Variants in GTF2IRD1 observed in about 807,000 individuals in gnomAD.
The protein encoded by GTF2IRD1 is GTF2I repeat domain containing 1.
In GTF2IRD1, 26 loss-of-function variants were observed where a neutral mutation model predicts 113.2. That is an observed-to-expected ratio of 0.23 (90% CI 0.17 to 0.32). The LOEUF (loss-of-function observed/expected upper bound fraction) is 0.32. Among genes scored for constraint, GTF2IRD1 ranks in the 10% least tolerant of loss-of-function variants. The pLI, the probability that GTF2IRD1 is intolerant of heterozygous loss-of-function variation, is 1.00. For synonymous variants in GTF2IRD1, 484 were observed against 529.1 expected, an observed-to-expected ratio of 0.91 and a Z score of 1.17; for missense variants, 864 against 1,280.8, an observed-to-expected ratio of 0.67 and a Z score of 4.97.
At chr7:74,590,318 C>T (rs587772994) in intron 23 of GTF2IRD1, among the ~76,000 whole-genome samples, 155 of 151,832 alleles carry the variant, frequency 1.0e-3, no homozygotes, top group African/African-American at 3.5e-3. Flanking sequence ...TGGGTTCAAG[C>T]GATCCTCCTG....
At chr7:74,473,110 A>T (rs1794201385) in intron 1 of GTF2IRD1, among the ~76,000 whole-genome samples, 1 of 152,142 alleles carries the variant, frequency 6.6e-6, no homozygotes, top group Non-Finnish European at 1.5e-5. Context: ...TGCTCTTTGG[A>T]GCTCCTGACA....
intron 1 of GTF2IRD1, among the ~76,000 whole-genome samples, chr7:74,475,915 T>C (rs1794374529): frequency 6.6e-6 from 1 of 152,144 alleles, no homozygotes; most frequent in African/African-American, 2.4e-5. Flanking sequence ...GAGTACACAT[T>C]GGGCCTGCAG....
intron 11 of GTF2IRD1, among the ~76,000 whole-genome samples, chr7:74,536,663 G>A (rs1354126651): frequency 5.9e-5 from 9 of 151,768 alleles, no homozygotes; most frequent in African/African-American, 1.5e-4. Context: ...AAAATTAGCC[G>A]GGTGTGGTGG....
intron 1 of GTF2IRD1, among the ~76,000 whole-genome samples, chr7:74,493,410 C>T (rs1554337232): frequency 6.6e-6 from 1 of 152,070 alleles, no homozygotes; most frequent in African/African-American, 2.4e-5. Context: ...CGCGCCCGGC[C>T]ATGACCTCTT....
intron 1 of GTF2IRD1, among the ~76,000 whole-genome samples, chr7:74,491,175 AGG>A (rs1432569085): frequency 1.3e-5 from 2 of 151,940 alleles, no homozygotes; most frequent in Non-Finnish European, 1.5e-5. Flanking sequence ...GCGTGGTGGC[AGG>A]CACCTGTAAT....
intron 1 of GTF2IRD1, among the ~76,000 whole-genome samples, chr7:74,497,099 C>T (rs1554338291): frequency 6.6e-6 from 1 of 151,910 alleles, no homozygotes; most frequent in Non-Finnish European, 1.5e-5. Context: ...GAATTTGAGG[C>T]TGCAGTGAGC....
At chr7:74,523,210 C>A (rs893744764) in intron 7 of GTF2IRD1, among the ~76,000 whole-genome samples, 1 of 152,020 alleles carries the variant, frequency 6.6e-6, no homozygotes, top group Admixed American at 6.6e-5. Flanking sequence ...CAGAGTGAGA[C>A]CCTGTCTGTA....
chr7:74,563,228 A>T (rs782752980), intron 22 of GTF2IRD1, among the ~76,000 whole-genome samples: 25 of 152,122 alleles, frequency 1.6e-4, no homozygotes, highest in Non-Finnish European at 3.2e-4. Context: ...GGCACCCAGC[A>T]GGGAATTCCC....
intron 10 of GTF2IRD1, 22 bp downstream of exon 10, chr7:74,535,160 C>A: frequency 6.2e-7 from 1 of 1,604,994 alleles, no homozygotes; most frequent in South Asian, 1.1e-5. Flanking sequence ...CCATCTAGTC[C>A]ATTCTGAAGT....
At chr7:74,559,969 G>A (rs1337857777) in intron 22 of GTF2IRD1, among the ~76,000 whole-genome samples, 3 of 152,052 alleles carry the variant, frequency 2.0e-5, no homozygotes, top group Non-Finnish European at 2.9e-5. Flanking sequence ...TGGTAGAGAC[G>A]GGGTTTCACC....
At chr7:74,525,799 A>T (rs1369761064) in intron 8 of GTF2IRD1, among the ~76,000 whole-genome samples, 2 of 151,480 alleles carry the variant, frequency 1.3e-5, no homozygotes, top group African/African-American at 4.8e-5. Context: ...TTTAAAAAGA[A>T]AAAAAAAAGA....
intron 4 of GTF2IRD1, among the ~76,000 whole-genome samples, chr7:74,517,001 T>TTTGTTGTTGTTGTTG (rs374786237): frequency 3.3e-5 from 3 of 90,240 alleles, no homozygotes; most frequent in Admixed American, 1.2e-4. Context: ...CTCTCCTGTC[T>TTTGTTGTTGTTGTTG]TTGTTGTTGT....
At chr7:74,567,286 C>G (rs781809229) in intron 22 of GTF2IRD1, among the ~76,000 whole-genome samples, 1 of 151,634 alleles carries the variant, frequency 6.6e-6, no homozygotes, top group Non-Finnish European at 1.5e-5. Flanking sequence ...TGAGATTGCA[C>G]CACAGCACTC....
At chr7:74,514,263 G>A (rs984133866) in intron 3 of GTF2IRD1, among the ~76,000 whole-genome samples, 6 of 152,038 alleles carry the variant, frequency 3.9e-5, no homozygotes, top group African/African-American at 9.7e-5. Flanking sequence ...ATCCCCCAGC[G>A]CTGGGCCTAG....
intron 22 of GTF2IRD1, among the ~76,000 whole-genome samples, chr7:74,573,822 G>T (rs1800837988): frequency 1.3e-5 from 2 of 152,230 alleles, no homozygotes; most frequent in South Asian, 4.1e-4. Context: ...CATGGAGAGG[G>T]CTCAGCACCA....
chr7:74,496,554 T>TG (rs782680441), intron 1 of GTF2IRD1, among the ~76,000 whole-genome samples: 12 of 113,056 alleles, frequency 1.1e-4, no homozygotes, highest in Admixed American at 2.7e-4. Context: ...TGTGTGCGTT[T>TG]GGGGGGTGTA....
intron 14 of GTF2IRD1, among the ~76,000 whole-genome samples, chr7:74,540,835 C>T (rs781882150): frequency 7.9e-5 from 12 of 152,002 alleles, no homozygotes; most frequent in South Asian, 2.1e-4. Context: ...AGTGCAGTGG[C>T]GCGATCTCAG....
chr7:74,466,733 CAA>C (rs1793738743), intron 1 of GTF2IRD1, among the ~76,000 whole-genome samples: 1 of 152,094 alleles, frequency 6.6e-6, no homozygotes, highest in African/African-American at 2.4e-5. Context: ...GCATCACAAA[CAA>C]GACTATAATT....
At chr7:74,460,547 G>A (rs1350021706) in intron 1 of GTF2IRD1, among the ~76,000 whole-genome samples, 1 of 152,086 alleles carries the variant, frequency 6.6e-6, no homozygotes, top group Non-Finnish European at 1.5e-5. Context: ...TAATGTCCTT[G>A]GTCGGGCCTC....
Sources: gnomAD v4.1 joint callset for allele counts (sites outside exome capture counted in the v4.1 genomes callset) on GRCh38, gnomAD v4.1.1 for gene constraint, MANE v1.5 for transcripts, NCBI Gene and HGNC (gene_info 2026-07-23, HGNC 2026-07-21) for gene names.